The following VRK2 variants were observed in gnomAD, a reference collection of about 807,000 sequenced individuals.
VRK2 encodes serine/threonine-protein kinase VRK2.
VRK2 carries 60 observed loss-of-function variants against 57.6 expected under a neutral mutation model. The observed-to-expected ratio is 1.04, with a 90% CI of 0.85 to 1.29. The LOEUF is 1.29. Among genes scored for constraint, VRK2 ranks in the 50% most tolerant of loss-of-function variants. The pLI is 0.00. For missense variants in VRK2, 705 were observed against 588.1 expected (o/e 1.20, Z -2.06); for synonymous variants, 231 against 199.2 (o/e 1.16, Z -1.35).
chr2:57,974,215 G>A (rs930681381), intron 1 of VRK2, among the ~76,000 whole-genome samples: 3 of 151,778 alleles, frequency 2.0e-5, no homozygotes, highest in African/African-American at 7.2e-5. Context: ...AAAATGGATC[G>A]AAAGAAAAAC....
intron 7 of VRK2, among the ~76,000 whole-genome samples, chr2:58,091,476 C>G (rs1043335574): frequency 2.6e-5 from 4 of 151,630 alleles, no homozygotes; most frequent in African/African-American, 9.7e-5. Context: ...TTTAATTTAA[C>G]TTAATTTAAA....
rs1186127282 is a variant in VRK2 at position 57,989,424 on chromosome 2, C to T, written c.-438-36241C>T. On this transcript the variant is annotated intron_variant, in intron 1 of 15. Transcript: ENST00000417641. ...TTCATACACAAAAAGTGAGTTGGAA[C>T]ATTAAGGTAATTGCTTGGACATTTT... is the stretch of plus-strand genomic sequence containing the variant. Among the ~76,000 whole-genome samples the T allele has an allele frequency of 4.6e-5, 7 of 152,266 alleles. No homozygotes were observed. The East Asian group carries it at 1.3e-3, about 29-fold the overall frequency.
At chr2:58,039,812 T>C (rs1014460894) in intron 3 of VRK2, among the ~76,000 whole-genome samples, 6 of 152,108 alleles carry the variant, frequency 3.9e-5, no homozygotes, top group Admixed American at 6.5e-5. Context: ...GAGAGTATTT[T>C]TAAAAATTTT....
intron 2 of VRK2, among the ~76,000 whole-genome samples, chr2:58,068,298 G>T (rs765033764): frequency 1.4e-3 from 213 of 152,196 alleles, no homozygotes; most frequent in Non-Finnish European, 2.1e-3. Flanking sequence ...ACCTGAGAAT[G>T]TCTTCATTTA....
At chr2:58,065,416 T>C (rs1182047090) in intron 2 of VRK2, among the ~76,000 whole-genome samples, 1 of 152,098 alleles carries the variant, frequency 6.6e-6, no homozygotes, top group Non-Finnish European at 1.5e-5. Context: ...TTCCACTTAG[T>C]GTAATGCCTT....
chr2:58,075,242 G>A (rs577610088), intron 2 of VRK2, among the ~76,000 whole-genome samples: 1 of 152,140 alleles, frequency 6.6e-6, no homozygotes, highest in East Asian at 1.9e-4. Context: ...TTTTATGGCT[G>A]TGTAGTATTC....
At chr2:58,040,582 T>C (rs1472931568) in intron 3 of VRK2, among the ~76,000 whole-genome samples, 1 of 152,204 alleles carries the variant, frequency 6.6e-6, no homozygotes, top group Non-Finnish European at 1.5e-5. Flanking sequence ...CCTTTGCTTC[T>C]GTGTGGACCA....
chr2:58,134,943 T>TA (rs920428581), intron 9 of VRK2, among the ~76,000 whole-genome samples, 198 bp from the exon 10 acceptor site: 45 of 152,266 alleles, frequency 3.0e-4, no homozygotes, highest in African/African-American at 8.9e-4. Context: ...GTTATTGATA[T>TA]AAAATTAGTT....
intron 1 of VRK2, among the ~76,000 whole-genome samples, chr2:57,970,182 TA>T (rs1672051903): frequency 6.7e-6 from 1 of 148,366 alleles, no homozygotes; most frequent in African/African-American, 2.5e-5. Flanking sequence ...AAATCATAAA[TA>T]ATATAACATT....
At chr2:58,067,186 G>A (rs1033515971) in intron 2 of VRK2, among the ~76,000 whole-genome samples, 18 of 152,090 alleles carry the variant, frequency 1.2e-4, no homozygotes, top group Non-Finnish European at 1.9e-4. Flanking sequence ...AGGGGCTCTC[G>A]GGCCTTCAGC....
chr2:57,922,532 T>G (rs999209965), intron 1 of VRK2, among the ~76,000 whole-genome samples: 1 of 151,864 alleles, frequency 6.6e-6, no homozygotes, highest in African/African-American at 2.4e-5. Context: ...GAGTAGATTT[T>G]GAATATCCTC....
chr2:57,995,072 C>T (rs971344085), intron 1 of VRK2, among the ~76,000 whole-genome samples: 2 of 152,094 alleles, frequency 1.3e-5, no homozygotes, highest in African/African-American at 2.4e-5. Flanking sequence ...AGGTGTTCTT[C>T]TTTGGTACTA....
rs1677031392 is a variant in VRK2 at position 58,119,260 on chromosome 2, G to A, written c.544-3841G>A. 2.0e-5 allele frequency among the ~76,000 whole-genome samples: 3 copies of A among 151,724 alleles called. No homozygotes were observed. The South Asian group carries it at 6.3e-4, about 32-fold the overall frequency. On this transcript the variant is annotated intron_variant, in intron 7 of 12. Coordinates refer to ENST00000340157, the MANE Select transcript of VRK2 (RefSeq NM_006296.7). Reference sequence around the variant, plus strand: ...CGCCTGTAATCCCAGCACTTTGGGAGACCAAGGTGGGTGGATCACTTCAGG... The same window carrying A: ...CGCCTGTAATCCCAGCACTTTGGGAAACCAAGGTGGGTGGATCACTTCAGG...
chr2:58,047,459 C>T (rs749573896), intron 1 of VRK2: 316 of 985,290 alleles, frequency 3.2e-4, no homozygotes, highest in Non-Finnish European at 3.7e-4. Flanking sequence ...ACTCGGGACT[C>T]GCCCCCAGGA....
rs564635070 is a variant in VRK2 at position 58,023,978 on chromosome 2, A to ATT, written c.-438-1670_-438-1669dup. Among the ~76,000 whole-genome samples, 737 of 140,864 alleles carry ATT rather than the reference A, an allele frequency of 5.2e-3. 16 individuals carry two copies. The highest frequency in any genetic ancestry group is 0.018 in the African/African-American group (674 of 37,852). 92.4% of individuals were successfully genotyped at this position (140,864 alleles called of 152,430 possible). ...GATGAACAATAACTAGTTGGTAAGA[A>ATT]TTTTTTTTTTTTTTTTTTGAGACGG... On this transcript the variant is annotated intron_variant, in intron 1 of 15. Transcript: ENST00000417641.
chr2:58,038,445 GCCT>G (rs1340225483), intron 3 of VRK2, among the ~76,000 whole-genome samples: 14 of 152,182 alleles, frequency 9.2e-5, no homozygotes, highest in Admixed American at 8.5e-4. Flanking sequence ...GAACTTTCCG[GCCT>G]CCTCCTTTCT....
At chr2:58,061,553 A>G (rs76331673) in intron 2 of VRK2, among the ~76,000 whole-genome samples, 1 of 152,104 alleles carries the variant, frequency 6.6e-6, no homozygotes, top group East Asian at 1.9e-4. Flanking sequence ...AAAGACACTA[A>G]AAGGTTAAGG....
At chr2:58,084,003 T>C (rs1437960073) in intron 2 of VRK2, 86 bp from the exon 3 acceptor site, 6 of 1,412,780 alleles carry the variant, frequency 4.2e-6, no homozygotes, top group Non-Finnish European at 5.8e-6. Context: ...ATATGTAAAA[T>C]GCTTAGCATA....
chr2:57,975,258 A>AC (rs1031468724), intron 1 of VRK2, among the ~76,000 whole-genome samples: 26 of 152,142 alleles, frequency 1.7e-4, no homozygotes, highest in South Asian at 6.2e-4. Flanking sequence ...GATGAAACAC[A>AC]CCCCAAATCA....
Sources: gnomAD v4.1 joint callset for allele counts (sites outside exome capture counted in the v4.1 genomes callset) on GRCh38, gnomAD v4.1.1 for gene constraint, MANE v1.5 for transcripts, NCBI Gene and HGNC (gene_info 2026-07-23, HGNC 2026-07-21) for gene names.